SARNP: variants seen among roughly 807,000 people sequenced by gnomAD.
SARNP encodes SAP domain-containing ribonucleoprotein.
In SARNP, 5 loss-of-function variants were observed where a neutral mutation model predicts 38.1. The ratio of observed to expected loss-of-function variants is 0.13; its 90% CI spans 0.07 to 0.28. The LOEUF (loss-of-function observed/expected upper bound fraction) is 0.28. SARNP is among the 10% of genes least tolerant of loss of function. The pLI, the probability that SARNP is intolerant of heterozygous loss-of-function variation, is 1.00. For missense variants in SARNP, 180 were observed against 243.9 expected (o/e 0.74, Z 1.75); for synonymous variants, 84 against 80.6 (o/e 1.04, Z -0.23).
At chr12:55,776,076 GAAGT>G (rs1460462797) in intron 9 of SARNP, among the ~76,000 whole-genome samples, 1 of 152,058 alleles carries the variant, frequency 6.6e-6, no homozygotes, top group African/African-American at 2.4e-5. Flanking sequence ...CAGTATCCAA[GAAGT>G]AATGGTTCAA....
chr12:55,761,921 C>T (rs922473493), intron 9 of SARNP: 1 of 152,170 alleles, frequency 6.6e-6, no homozygotes, highest in African/African-American at 2.4e-5. Flanking sequence ...TAGAGATGTA[C>T]CCATCCTCAC....
intron 9 of SARNP, among the ~76,000 whole-genome samples, chr12:55,781,528 C>T (rs999893371): frequency 2.8e-5 from 4 of 142,992 alleles, no homozygotes; most frequent in African/African-American, 7.9e-5. Context: ...AGCGAAACTC[C>T]GTCTCAAAAA....
chr12:55,811,089 A>C (rs1310962731), intron 1 of SARNP, among the ~76,000 whole-genome samples: 1 of 152,146 alleles, frequency 6.6e-6, no homozygotes, highest in Non-Finnish European at 1.5e-5. Context: ...CCCAAAAAAA[A>C]AAAAAGAAAT....
At chr12:55,754,303 T>C (rs1592549083), downstream of SARNP, 1 of 152,362 alleles carries the variant, frequency 6.6e-6, no homozygotes, top group East Asian at 1.9e-4. Context: ...TTTACAAGTC[T>C]TTTCTTTATC....
intron 9 of SARNP, among the ~76,000 whole-genome samples, chr12:55,788,158 C>T (rs1879560364): frequency 6.6e-6 from 1 of 152,220 alleles, no homozygotes; most frequent in South Asian, 2.1e-4. Context: ...AGACCACCTG[C>T]TCTAGGCAAA....
At chr12:55,804,245 G>A (rs1365533460) in intron 1 of SARNP, among the ~76,000 whole-genome samples, 1 of 152,106 alleles carries the variant, frequency 6.6e-6, no homozygotes, top group Non-Finnish European at 1.5e-5. Context: ...TTGATTAAAG[G>A]ATCTGTGTCA....
intron 9 of SARNP, among the ~76,000 whole-genome samples, chr12:55,773,433 G>A (rs902953944): frequency 1.3e-5 from 2 of 152,230 alleles, no homozygotes; most frequent in African/African-American, 4.8e-5. Flanking sequence ...GCAGAGATGT[G>A]AGGGGTAAAA....
chr12:55,797,808 T>C lies in SARNP; in HGVS notation c.252-1732A>G, dbSNP rs2062166. On this transcript the variant is annotated intron_variant, in intron 4 of 10. Transcript: ENST00000336133. Reference sequence around the variant, plus strand: ...CTCCTACCCAATCACATAAACAACATTCCCTGAAATACAGAGACCCAGAAT... The same window carrying C: ...CTCCTACCCAATCACATAAACAACACTCCCTGAAATACAGAGACCCAGAAT... Among the ~76,000 whole-genome samples, 1,457 of 152,270 alleles carry C rather than the reference T, an allele frequency of 9.6e-3. 20 individuals carry two copies. The highest frequency in any genetic ancestry group is 0.032 in the Admixed American group (485 of 15,290).
chr12:55,769,063 T>A (rs1878930851), intron 9 of SARNP, among the ~76,000 whole-genome samples: 1 of 152,208 alleles, frequency 6.6e-6, no homozygotes, highest in African/African-American at 2.4e-5. Flanking sequence ...GCTGCTAGGC[T>A]TTGCTGATTT....
chr12:55,761,277 T>C (rs1878667958), intron 9 of SARNP, among the ~76,000 whole-genome samples: 1 of 152,026 alleles, frequency 6.6e-6, no homozygotes, highest in South Asian at 2.1e-4. Context: ...AAAACTGAGG[T>C]TTCACTGAAT....
intron 9 of SARNP, among the ~76,000 whole-genome samples, chr12:55,772,484 C>A (rs2136184205): frequency 6.6e-6 from 1 of 152,200 alleles, no homozygotes; most frequent in Middle Eastern, 3.4e-3. Flanking sequence ...CCAACCCCCA[C>A]TCCTCTTCAA....
intron 9 of SARNP, among the ~76,000 whole-genome samples, chr12:55,782,576 C>T (rs553893101): frequency 6.6e-6 from 1 of 152,098 alleles, no homozygotes; most frequent in South Asian, 2.1e-4. Flanking sequence ...ATCTCCCACT[C>T]TTTTCTTTCT....
intron 1 of SARNP, among the ~76,000 whole-genome samples, chr12:55,808,320 CA>C (rs1880217795): frequency 1.3e-5 from 2 of 151,072 alleles, no homozygotes; most frequent in Admixed American, 1.3e-4. Flanking sequence ...CCTGTTCCTA[CA>C]ATTTTTTTTT....
chr12:55,770,441 G>A (rs898430244), intron 9 of SARNP, among the ~76,000 whole-genome samples: 25 of 147,492 alleles, frequency 1.7e-4, no homozygotes, highest in African/African-American at 4.5e-4. Flanking sequence ...GGTTTACACC[G>A]TGTTAGCCAG....
chr12:55,757,231 G>T, downstream of SARNP: 1 of 284,596 alleles, frequency 3.5e-6, no homozygotes, highest in Non-Finnish European at 6.6e-6. Flanking sequence ...GTCTAATCTA[G>T]CTCCAATAAA....
chr12:55,817,521 A>C, intron 1 of SARNP, 145 bp downstream of exon 1: 1 of 692,050 alleles, frequency 1.4e-6, no homozygotes. Context: ...CGTAGTGTGG[A>C]AGGGTGGCAC....
intron 9 of SARNP, among the ~76,000 whole-genome samples, chr12:55,766,616 C>CGGGGGGGGGGGGGG (rs58583137): frequency 2.6e-5 from 1 of 38,106 alleles, no homozygotes; most frequent in African/African-American, 1.1e-4. Context: ...GTTTTTTTGG[C>CGGGGGGGGGGGGGG]GGGGGGGGGG....
intron 9 of SARNP, among the ~76,000 whole-genome samples, chr12:55,784,712 G>A (rs1421641192): frequency 1.3e-5 from 2 of 152,238 alleles, no homozygotes; most frequent in Non-Finnish European, 2.9e-5. Flanking sequence ...CGATATGGTA[G>A]CCACTAGCCA....
intron 1 of SARNP, among the ~76,000 whole-genome samples, chr12:55,812,604 A>G (rs571288781): frequency 6.6e-6 from 1 of 152,328 alleles, no homozygotes; most frequent in South Asian, 2.1e-4. Context: ...CTAAGCCTCA[A>G]AATGAACTTA....
Sources: allele counts gnomAD v4.1 joint callset (sites outside exome capture counted in the v4.1 genomes callset), GRCh38; gene constraint gnomAD v4.1.1; transcripts MANE v1.5; gene names NCBI Gene and HGNC (gene_info 2026-07-23, HGNC 2026-07-21).